TRIB3: variants seen among roughly 807,000 people sequenced by gnomAD.
TRIB3 encodes the protein tribbles homolog 3.
A neutral mutation model predicts 16.6 loss-of-function variants in TRIB3; 20 were observed. That is an observed-to-expected ratio of 1.20 (90% CI 0.85 to 1.75). The LOEUF (loss-of-function observed/expected upper bound fraction) is 1.75. TRIB3 is among the 40% of genes most tolerant of loss of function. The probability of loss-of-function intolerance (pLI) is 0.00; values close to 1 mark genes in which losing one functional copy is unlikely to be tolerated. For synonymous variants in TRIB3, 208 were observed against 217.0 expected (o/e 0.96, Z 0.36); for missense variants, 484 against 488.9 (o/e 0.99, Z 0.10).
In TRIB3 at chr20:382,420, TCC is replaced by T. The variant is rs1289571690; in HGVS notation, c.-1+1252_-1+1253del. The T allele has an allele frequency of 4.0e-5, 43 of 1,069,718 alleles. 1 individual carries two copies. The South Asian group carries it at 6.0e-4, about 15-fold the overall frequency. 66.3% of individuals were successfully genotyped at this position (1,069,718 alleles called of 1,614,324 possible). A position where few individuals can be genotyped will look rare whatever the true frequency, so the allele number is the denominator to read the frequency against. On this transcript the variant is annotated intron_variant, in intron 1 of 3. Transcript: ENST00000217233. ...CAGGCCAGAGGGACTCCAGGCAGTC[TCC>T]TGCTGCACAGGGCACAAAGCATGTG...
chr20:383,794 C>T (rs1200046081), intron 1 of TRIB3, among the ~76,000 whole-genome samples: 4 of 152,078 alleles, frequency 2.6e-5, no homozygotes, highest in Admixed American at 6.6e-5. Context: ...TACCTTTTAT[C>T]CTCCCACTAG....
chr20:387,011 A>G (rs1351079251), intron 1 of TRIB3, among the ~76,000 whole-genome samples: 1 of 151,960 alleles, frequency 6.6e-6, no homozygotes, highest in Non-Finnish European at 1.5e-5. Flanking sequence ...TTGGCCTCCC[A>G]AAGTGCTGGG....
At chr20:396,044 T>G (rs1470319509) in intron 3 of TRIB3, among the ~76,000 whole-genome samples, 154 bp from the exon 4 acceptor site, 1 of 152,218 alleles carries the variant, frequency 6.6e-6, no homozygotes, top group Non-Finnish European at 1.5e-5. Flanking sequence ...GGCTTGGGTA[T>G]CTGTAAAACA....
chr20:381,966 C>T (rs1427146534), intron 1 of TRIB3, among the ~76,000 whole-genome samples: 3 of 152,148 alleles, frequency 2.0e-5, no homozygotes, highest in African/African-American at 4.8e-5. Context: ...CTTCAATTTC[C>T]GCTGAAACTT....
intron 1 of TRIB3, among the ~76,000 whole-genome samples, chr20:384,307 C>T (rs1441731031): frequency 1.3e-5 from 2 of 152,174 alleles, no homozygotes; most frequent in Non-Finnish European, 2.9e-5. Flanking sequence ...TAGGATTAGG[C>T]TCAGCTGTAA....
At chr20:382,130 TGC>T (rs907553634) in intron 1 of TRIB3, among the ~76,000 whole-genome samples, 37 of 135,180 alleles carry the variant, frequency 2.7e-4, no homozygotes, top group Admixed American at 1.2e-3. Context: ...TGTGTGTGCG[TGC>T]GCGCGCGCGC....
Position 396,405 on chromosome 20 carries a change from G to A in TRIB3, c.792G>A (p.Ser264=), listed in dbSNP as rs765789298. 24 of 1,613,198 alleles carry A rather than the reference G, an allele frequency of 1.5e-5. No homozygotes were observed. The highest frequency in any genetic ancestry group is 2.7e-5 in the African/African-American group (2 of 75,080). Residue 264 remains serine, a synonymous_variant, in exon 4 of 4, where the codon TCG becomes TCA. Transcript: ENST00000217233. ...CCGGCCACTACCCCTTCCAGGACTC[G>A]GAGCCTGTCCTGCTCTTCGGCAAGA... The part of the protein sequence containing the change: ...MLAGHYPFQD[S]EPVLLFGKIR...
In TRIB3 at chr20:388,141, C is replaced by A; in HGVS notation, c.131C>A (p.Pro44His). ...CGAAGTGGGCCCCAGCCCAGACTGC[C>A]CCCCTGCCTGTTGCCCCTGAGCCCA... Reference protein sequence around the residue: ...RARSGPQPRLPPCLLPLSPPT... With the variant: ...RARSGPQPRLHPCLLPLSPPT... Residue 44 changes from proline (P) to histidine (H), a missense_variant, in exon 2 of 4, where the codon CCC (proline) becomes CAC (histidine). By Grantham distance (77) the Pro-to-His change is moderately conservative. Transcript: ENST00000217233. The A allele has an allele frequency of 6.2e-7, 1 of 1,614,058 alleles. No individual in the cohort carries two copies. Among genetic ancestry groups the A allele is most frequent in the Non-Finnish European group, 8.5e-7 (1 of 1,180,034 alleles).
intron 1 of TRIB3, among the ~76,000 whole-genome samples, chr20:382,927 C>T (rs2014703536): frequency 6.6e-6 from 1 of 152,206 alleles, no homozygotes; most frequent in South Asian, 2.1e-4. Context: ...AGAGGTGGGC[C>T]TCTGTCTGGT....
chr20:386,058 C>A (rs900728547), intron 1 of TRIB3, among the ~76,000 whole-genome samples: 12 of 151,978 alleles, frequency 7.9e-5, no homozygotes, highest in African/African-American at 2.9e-4. Flanking sequence ...GAGACAGGGT[C>A]TCACTATGTT....
rs144632965 is a variant in TRIB3, at chr20:396,314, G to A, written c.701G>A (p.Arg234Gln). 280 of 1,613,744 alleles carry A rather than the reference G, an allele frequency of 1.7e-4. No homozygotes were observed. Among genetic ancestry groups the A allele is most frequent in the Middle Eastern group, 6.6e-4 (4 of 6,060 alleles). The change falls in exon 4 of 4, where the codon CGG becomes CAG. Residue 234 changes from arginine to glutamine, a missense_variant. By Grantham distance (43) the Arg-to-Gln change is conservative. Transcript: ENST00000217233. ...AYVGPEILSS[R>Q]ASYSGKAADV... ...GTGGGACCTGAGATACTCAGCTCAC[G>A]GGCCTCATACTCGGGCAAGGCAGCC...
At chr20:395,040 C>T (rs570893156) in intron 3 of TRIB3, among the ~76,000 whole-genome samples, 3 of 152,104 alleles carry the variant, frequency 2.0e-5, no homozygotes, top group South Asian at 2.1e-4. Context: ...CACTGGACAC[C>T]CAGGAAGTAA....
intron 2 of TRIB3, among the ~76,000 whole-genome samples, chr20:390,084 T>A (rs1343590902): frequency 6.6e-6 from 1 of 152,112 alleles, no homozygotes; most frequent in Non-Finnish European, 1.5e-5. Context: ...CCCAGCACTT[T>A]GGGAGGCCGA....
chr20:387,291 C>T (rs1169283605), intron 1 of TRIB3, among the ~76,000 whole-genome samples: 1 of 152,128 alleles, frequency 6.6e-6, no homozygotes, highest in Non-Finnish European at 1.5e-5. Flanking sequence ...GGAAGAATCA[C>T]CTGAACCCTG....
rs781523143 is a variant in TRIB3, at chr20:388,190, T to C, written c.180T>C (p.Thr60=). The change falls in exon 2 of 4, where the codon ACT becomes ACC. Residue 60 remains threonine, a synonymous_variant. Coordinates refer to ENST00000217233, the MANE Select transcript of TRIB3 (RefSeq NM_021158.5). ...LSPPTAPDRA[T]AVATASRLGP... is the part of the protein sequence containing the mutation. ...CACCTACTGCTCCAGATCGTGCAAC[T>C]GCTGTGGCCACTGCCTCCCGTCTTG... 6.2e-7 allele frequency: 1 copy of C among 1,613,980 alleles called. No homozygotes were observed. The highest frequency in any genetic ancestry group is 2.2e-5 in the East Asian group (1 of 44,880).
chr20:383,511 T>G (rs913327083), intron 1 of TRIB3, among the ~76,000 whole-genome samples: 5 of 152,210 alleles, frequency 3.3e-5, no homozygotes, highest in Non-Finnish European at 5.9e-5. Context: ...TTCCTGACCA[T>G]GGCTCACTGA....
At chr20:386,705 T>G (rs1276345232) in intron 1 of TRIB3, among the ~76,000 whole-genome samples, 1 of 152,184 alleles carries the variant, frequency 6.6e-6, no homozygotes, top group Non-Finnish European at 1.5e-5. Context: ...CCCAAGTAGC[T>G]GGGATTACAG....
intron 1 of TRIB3, chr20:385,415 T>C (rs1038080565): frequency 2.1e-5 from 2 of 94,518 alleles, no homozygotes; most frequent in African/African-American, 4.1e-5. Flanking sequence ...GCCCGGCCTA[T>C]TTTTTTTTTT....
intron 3 of TRIB3, among the ~76,000 whole-genome samples, chr20:392,914 G>A (rs999962061): frequency 6.6e-5 from 10 of 152,052 alleles, no homozygotes; most frequent in Admixed American, 5.9e-4. Context: ...AGAGAGACTC[G>A]CCTCCTGTTC....
Sources: gnomAD v4.1 joint callset for allele counts (sites outside exome capture counted in the v4.1 genomes callset) on GRCh38, gnomAD v4.1.1 for gene constraint, MANE v1.5 for transcripts, NCBI Gene and HGNC (gene_info 2026-07-23, HGNC 2026-07-21) for gene names.